Variants in LRP1 observed in about 807,000 individuals in gnomAD.
The protein encoded by LRP1 is prolow-density lipoprotein receptor-related protein 1.
Under a neutral mutation model 541.5 loss-of-function variants are expected in LRP1, and 51 were observed. That is an observed-to-expected ratio of 0.09 (90% CI 0.08 to 0.12). The LOEUF (loss-of-function observed/expected upper bound fraction) is 0.12. Ranked by LOEUF, LRP1 falls within the 10% of genes least tolerant of loss-of-function variation. LRP1 has a pLI of 1.00. For missense variants in LRP1, 3,878 were observed against 6,376.2 expected, an observed-to-expected ratio of 0.61 and a Z score of 13.34; for synonymous variants, 2,219 against 2,470.8, an observed-to-expected ratio of 0.90 and a Z score of 3.02.
Position 57,166,216 on chromosome 12 carries a change from A to G in LRP1, c.2797+7A>G, listed in dbSNP as rs752039617. On this transcript the variant is annotated splice_region_variant and intron_variant, in intron 17 of 88. Transcript: ENST00000243077. Reference sequence around the variant, plus strand: ...TCCAATGCCACTTGTTCAGGTGTGGAGCGGGGCTCAGATCACACGAGGCAC... The same window carrying G: ...TCCAATGCCACTTGTTCAGGTGTGGGGCGGGGCTCAGATCACACGAGGCAC... 40 of 1,596,916 alleles carry G rather than the reference A, an allele frequency of 2.5e-5. No individual in the cohort carries two copies. The highest frequency in any genetic ancestry group is 3.3e-5 in the Non-Finnish European group (39 of 1,171,752).
chr12:57,157,108 C>T (rs1280808934), intron 10 of LRP1, among the ~76,000 whole-genome samples, 188 bp downstream of exon 10: 1 of 152,220 alleles, frequency 6.6e-6, no homozygotes, highest in Admixed American at 6.5e-5. Flanking sequence ...TTCTCACTCA[C>T]CCACCGGACT....
intron 1 of LRP1, among the ~76,000 whole-genome samples, chr12:57,137,740 G>A (rs1260497043): frequency 2.6e-5 from 4 of 151,728 alleles, no homozygotes; most frequent in African/African-American, 9.7e-5. Flanking sequence ...AGGTTGCGGT[G>A]AGCTGAGATT....
At chr12:57,167,136 AC>A in intron 18 of LRP1, 90 bp downstream of exon 18, 1 of 1,060,692 alleles carries the variant, frequency 9.4e-7, no homozygotes. Flanking sequence ...GACACCTGCA[AC>A]CCAGCACTTG....
At chr12:57,171,216 G>A (rs1388451204) in intron 20 of LRP1, among the ~76,000 whole-genome samples, 2 of 152,338 alleles carry the variant, frequency 1.3e-5, no homozygotes, top group East Asian at 3.9e-4. Context: ...TTTATGAAAT[G>A]AGCTGAGGTA....
rs7312323 is a variant in LRP1 at position 57,189,703 on chromosome 12, G to A, written c.7032-1102G>A. Among the ~76,000 whole-genome samples, 56,437 of 150,110 alleles carry A rather than the reference G, an allele frequency of 0.38. 11,147 individuals are homozygous for A. Among genetic ancestry groups the A allele is most frequent in the African/African-American group, 0.48 (19,532 of 40,522 alleles). ...ATGGTGAGGGGCAGAGGTAGGAGGAGGCCAGAGGCACTGGGGTGGGGGCGG... is the reference window on the plus strand; with the variant it reads ...ATGGTGAGGGGCAGAGGTAGGAGGAAGCCAGAGGCACTGGGGTGGGGGCGG... On this transcript the variant is annotated intron_variant, in intron 42 of 88. Coordinates refer to ENST00000243077, the MANE Select transcript of LRP1 (RefSeq NM_002332.3). The surrounding 1 kb of genome is among the most constrained non-coding windows in gnomAD (Gnocchi z 4.4).
At chr12:57,187,234 T>C (rs2036287174) in intron 41 of LRP1, 33 bp from the exon 42 acceptor site, 1 of 1,594,676 alleles carries the variant, frequency 6.3e-7, no homozygotes, top group Non-Finnish European at 8.6e-7. Context: ...CTCTGGGCCC[T>C]CCTGACAAAT....
chr12:57,161,210 T>C (rs998191025), intron 13 of LRP1, 95 bp downstream of exon 13: 5 of 1,210,818 alleles, frequency 4.1e-6, no homozygotes, highest in African/African-American at 1.5e-5. Context: ...TGGGTATCTG[T>C]GTGTGTCCAG....
intron 42 of LRP1, among the ~76,000 whole-genome samples, chr12:57,188,316 C>T (rs957990576): frequency 6.6e-6 from 1 of 152,234 alleles, no homozygotes; most frequent in African/African-American, 2.4e-5. Context: ...CCCAATTCAG[C>T]AGTGCTTGGA....
intron 41 of LRP1, 135 bp downstream of exon 41, chr12:57,186,043 C>T: frequency 2.0e-6 from 2 of 1,021,564 alleles, no homozygotes; most frequent in East Asian, 5.2e-5. Flanking sequence ...CCAACTGCAC[C>T]CCCGCAGTTA....
chr12:57,150,231 G>A (rs565268545), intron 6 of LRP1, among the ~76,000 whole-genome samples: 72 of 113,590 alleles, frequency 6.3e-4, no homozygotes, highest in Non-Finnish European at 7.1e-4. Flanking sequence ...TCACTCTGTC[G>A]CCCAGGCTGG....
rs1405520497 is a variant in LRP1 at position 57,205,130 on chromosome 12, C to T, written c.11216C>T (p.Thr3739Ile). 6.2e-7 allele frequency: 1 copy of T among 1,613,872 alleles called. No individual in the cohort carries two copies. Among genetic ancestry groups the T allele is most frequent in the South Asian group, 1.1e-5 (1 of 91,070 alleles). ...EDCEPPTAHT[T>I]HCKDKKEFLC... Reference sequence around the variant, plus strand: ...TCAGAGCCCCCCACAGCCCACACCACCCACTGCAAAGACAAGAAGGAGTTT... The same window carrying T: ...TCAGAGCCCCCCACAGCCCACACCATCCACTGCAAAGACAAGAAGGAGTTT... Residue 3739 changes from threonine (T) to isoleucine (I), a missense_variant, in exon 73 of 89, where the codon ACC (threonine) becomes ATC (isoleucine). Thr to Ile is a moderately conservative substitution (Grantham distance 89, BLOSUM62 -1). Coordinates refer to ENST00000243077, the MANE Select transcript of LRP1 (RefSeq NM_002332.3). This position sits in a 1 kb window ranked among gnomAD's most constrained non-coding sequence, Gnocchi z 4.6.
At position 57,165,854 on chromosome 12, in the gene LRP1, C is replaced by G. The variant is rs769389266; in HGVS notation, c.2580C>G (p.Ala860=). 3.7e-6 allele frequency: 6 copies of G among 1,614,132 alleles called. No individual in the cohort carries two copies. Among genetic ancestry groups the G allele is most frequent in the Non-Finnish European group, 5.1e-6 (6 of 1,180,058 alleles). ...CCCAGTGCCAGCCAGGCGAGTTTGC[C>G]TGTGCCAACAGCCGCTGCATCCAGG... ...PPPQCQPGEF[A]CANSRCIQER... Residue 860 remains alanine (A), a synonymous_variant, in exon 16 of 89, where the codon GCC becomes GCG. Coordinates refer to ENST00000243077, the MANE Select transcript of LRP1 (RefSeq NM_002332.3). This position sits in a 1 kb window ranked among gnomAD's most constrained non-coding sequence, Gnocchi z 4.5.
Position 57,210,805 on chromosome 12 carries a change from C to G in LRP1, c.12842C>G (p.Thr4281Ser). 6.2e-7 allele frequency: 1 copy of G among 1,613,532 alleles called. No homozygotes were observed. The highest frequency in any genetic ancestry group is 8.5e-7 in the Non-Finnish European group (1 of 1,179,888). ...VCAGYCANNS[T>S]CTVNQGNQPQ... ...GCGGGCTACTGTGCCAACAACAGCA[C>G]CTGCACTGTCAACCAGGGCAACCAG... The change falls in exon 83 of 89, where the codon ACC becomes AGC. Residue 4281 changes from threonine (T) to serine (S), a missense_variant. Thr to Ser is a moderately conservative substitution (Grantham distance 58). Transcript: ENST00000243077.
rs2035575835 is a variant in LRP1 at position 57,154,125 on chromosome 12, G to A, written c.842-83G>A. The stretch of plus-strand genomic sequence containing the variant: ...GCGTCCAGAGAAGGTGGGCTTCCAG[G>A]TGTGGGTTCTCACCAGCAAAGGGTG... On this transcript the variant is annotated intron_variant, in intron 6 of 88. Transcript: ENST00000243077. This position sits in a 1 kb window ranked among gnomAD's most constrained non-coding sequence, Gnocchi z 4.6. The A allele has an allele frequency of 7.4e-7, 1 of 1,352,868 alleles. No homozygotes were observed. The highest frequency in any genetic ancestry group is 1.8e-5 in the Admixed American group (1 of 55,296). The allele number at this position is 1,352,868 out of a possible 1,614,324, so 83.8% of individuals were successfully genotyped here.
rs1240688495 is a variant in LRP1 at position 57,195,860 on chromosome 12, C to T, written c.8561-3C>T. 6.2e-7 allele frequency: 1 copy of T among 1,613,852 alleles called. No individual in the cohort carries two copies. The highest frequency in any genetic ancestry group is 8.5e-7 in the Non-Finnish European group (1 of 1,180,026). On this transcript the variant is annotated splice_polypyrimidine_tract_variant and splice_region_variant and intron_variant, in intron 53 of 88. Transcript: ENST00000243077. Reference sequence around the variant, plus strand: ...CAGCCTCACAGGTCCATTCCTCCCCCAGAGTACCCGACCTGCGGCCCCAGT... The same window carrying T: ...CAGCCTCACAGGTCCATTCCTCCCCTAGAGTACCCGACCTGCGGCCCCAGT...
At chr12:57,138,854 GC>G (rs1282978021) in intron 2 of LRP1, among the ~76,000 whole-genome samples, 1 of 152,186 alleles carries the variant, frequency 6.6e-6, no homozygotes. Context: ...CTAGAAGATG[GC>G]CCGGCCTCCC....
Position 57,177,417 on chromosome 12 carries a change from C to T in LRP1, c.4197-10C>T. 6.3e-7 allele frequency: 1 copy of T among 1,581,118 alleles called. No individual in the cohort carries two copies. ...GACTTTAGCCCTCCTGACCCCTCCC[C>T]ACTCCCCAGGATCCTGTTTTGGACA... On this transcript the variant is annotated splice_polypyrimidine_tract_variant and intron_variant, in intron 25 of 88. Coordinates refer to ENST00000243077, the MANE Select transcript of LRP1 (RefSeq NM_002332.3). The surrounding 1 kb of genome is among the most constrained non-coding windows in gnomAD (Gnocchi z 6.8).
chr12:57,135,108 G>A (rs1305056353), intron 1 of LRP1, among the ~76,000 whole-genome samples: 1 of 152,190 alleles, frequency 6.6e-6, no homozygotes, highest in Admixed American at 6.5e-5. Context: ...TGAGAGGGGG[G>A]CCGCAAGGGC....
In LRP1 at chr12:57,197,321, C is replaced by T. The variant is rs752380472; in HGVS notation, c.9099C>T (p.Phe3033=). 2.4e-5 allele frequency: 39 copies of T among 1,614,024 alleles called. 1 individual carries two copies. Among genetic ancestry groups the T allele is most frequent in the South Asian group, 4.4e-5 (4 of 91,082 alleles). The change falls in exon 57 of 89, where the codon TTC becomes TTT. Residue 3033 remains phenylalanine, a synonymous_variant. Coordinates refer to ENST00000243077, the MANE Select transcript of LRP1 (RefSeq NM_002332.3). The surrounding 1 kb of genome is among the most constrained non-coding windows in gnomAD (Gnocchi z 4.5). ...CAGACGAGGAACCGTTTCTGATCTT[C>T]GCCAACCGGTACTACCTGCGCAAGC... is the stretch of plus-strand genomic sequence containing the variant. The part of the protein sequence containing the change: ...AVTDEEPFLI[F]ANRYYLRKLN...
Sources: allele counts gnomAD v4.1 joint callset (sites outside exome capture counted in the v4.1 genomes callset), GRCh38; gene constraint gnomAD v4.1.1; non-coding constraint Gnocchi (gnomAD v3.1); transcripts MANE v1.5; gene names NCBI Gene and HGNC (gene_info 2026-07-23, HGNC 2026-07-21).